Variants in AGPS observed in about 807,000 individuals in gnomAD.
AGPS encodes the protein alkyldihydroxyacetonephosphate synthase, peroxisomal.
In AGPS, 26 loss-of-function variants were observed where a neutral mutation model predicts 90.7. The ratio of observed to expected loss-of-function variants is 0.29; its 90% CI spans 0.21 to 0.40. The LOEUF is 0.40. Among genes scored for constraint, AGPS ranks in the 10% least tolerant of loss-of-function variants. The pLI is 1.00. For synonymous variants in AGPS, 294 were observed against 285.3 expected, an observed-to-expected ratio of 1.03 and a Z score of -0.31; for missense variants, 540 against 816.1, an observed-to-expected ratio of 0.66 and a Z score of 4.12.
intron 11 of AGPS, among the ~76,000 whole-genome samples, chr2:177,489,104 A>T (rs191692327): frequency 0.026 from 2,686 of 103,294 alleles, 61 homozygotes; most frequent in Non-Finnish European, 0.033. Flanking sequence ...TTTTTTTTTG[A>T]AACGGAGTCT....
chr2:177,525,347 TATATC>T (rs1340917499), intron 19 of AGPS, among the ~76,000 whole-genome samples: 1 of 152,178 alleles, frequency 6.6e-6, no homozygotes, highest in Non-Finnish European at 1.5e-5. Flanking sequence ...TATATATAAA[TATATC>T]ATGAATTATT....
chr2:177,537,520 T>C (rs879780975), intron 19 of AGPS, among the ~76,000 whole-genome samples: 18 of 152,176 alleles, frequency 1.2e-4, no homozygotes, highest in Admixed American at 1.2e-3. Context: ...TATTTAAAAG[T>C]ACTGTGAAAA....
At chr2:177,501,030 A>G (rs1174947483) in intron 14 of AGPS, among the ~76,000 whole-genome samples, 2 of 152,174 alleles carry the variant, frequency 1.3e-5, no homozygotes, top group African/African-American at 4.8e-5. Context: ...CTTAAAACAT[A>G]TGATGTTAGT....
chr2:177,396,819 TAGA>T (rs1283396800), intron 1 of AGPS, among the ~76,000 whole-genome samples: 5 of 152,060 alleles, frequency 3.3e-5, no homozygotes, highest in Non-Finnish European at 7.4e-5. Flanking sequence ...TGAATGACAA[TAGA>T]AAAGGGATGA....
In AGPS at chr2:177,399,247, C is replaced by A. The variant is rs568195410; in HGVS notation, c.260+6198C>A. Among the ~76,000 whole-genome samples the A allele has an allele frequency of 8.5e-5, 13 of 152,266 alleles. No individual in the cohort carries two copies. The South Asian group carries it at 2.5e-3, about 29-fold the overall frequency. On this transcript the variant is annotated intron_variant, in intron 1 of 19. Transcript: ENST00000264167. ...AATATTACTCCGTTTGATTTTATTTCCTTATTATTGAGAAGATAACTTCTG... is the reference window on the plus strand; with the variant it reads ...AATATTACTCCGTTTGATTTTATTTACTTATTATTGAGAAGATAACTTCTG...
chr2:177,511,417 A>G (rs77170251), intron 16 of AGPS, among the ~76,000 whole-genome samples: 3,273 of 152,126 alleles, frequency 0.022, 76 homozygotes, highest in South Asian at 0.055. Context: ...GATTTTGGAG[A>G]CACCAGCAAG....
intron 5 of AGPS, among the ~76,000 whole-genome samples, chr2:177,437,755 A>C (rs1023461211): frequency 2.0e-5 from 3 of 152,026 alleles, no homozygotes; most frequent in African/African-American, 7.2e-5. Context: ...TTCAGAGTGT[A>C]TATTTTATTT....
chr2:177,467,729 T>A lies in AGPS; in HGVS notation c.997-687T>A, dbSNP rs910674424. Among the ~76,000 whole-genome samples, 52 of 152,194 alleles carry A rather than the reference T, an allele frequency of 3.4e-4. 1 individual carries two copies. The highest frequency in any genetic ancestry group is 3.2e-3 in the Middle Eastern group (1 of 316). ...CCTTCAATAATAAATAGACTGTTGT[T>A]ATTTATCGGTCCAAAATTCATTCTA... On this transcript the variant is annotated intron_variant, in intron 9 of 19. Transcript: ENST00000264167.
intron 19 of AGPS, among the ~76,000 whole-genome samples, chr2:177,534,660 T>C (rs1043404541): frequency 6.6e-6 from 1 of 151,414 alleles, no homozygotes; most frequent in African/African-American, 2.4e-5. Context: ...TGATCTGGAC[T>C]CACTGCAGCC....
chr2:177,450,964 A>ACACATATACGTATATATG (rs1686923276), intron 8 of AGPS, among the ~76,000 whole-genome samples: 8 of 123,750 alleles, frequency 6.5e-5, no homozygotes, highest in East Asian at 2.6e-4. Context: ...CATGTCTTTC[A>ACACATATACGTATATATG]TATATATATA....
At chr2:177,513,964 A>C in intron 17 of AGPS, 56 bp downstream of exon 17, 3 of 1,302,544 alleles carry the variant, frequency 2.3e-6, no homozygotes, top group Non-Finnish European at 3.3e-6. Context: ...GTTTTTTTTA[A>C]TCAAGGGGGG....
intron 17 of AGPS, among the ~76,000 whole-genome samples, chr2:177,520,397 T>C (rs1392617806): frequency 6.6e-6 from 1 of 152,240 alleles, no homozygotes; most frequent in African/African-American, 2.4e-5. Flanking sequence ...AGTGTTTGCA[T>C]GTCCATATGT....
intron 1 of AGPS, among the ~76,000 whole-genome samples, chr2:177,407,015 T>C (rs980122264): frequency 6.6e-6 from 1 of 152,218 alleles, no homozygotes; most frequent in African/African-American, 2.4e-5. Context: ...TCATTGAGTA[T>C]ACTGAAATCT....
At chr2:177,530,730 G>A (rs2079130503) in intron 19 of AGPS, among the ~76,000 whole-genome samples, 1 of 152,178 alleles carries the variant, frequency 6.6e-6, no homozygotes, top group South Asian at 2.1e-4. Context: ...TGTGATAAAT[G>A]GAGCTATGTT....
intron 19 of AGPS, among the ~76,000 whole-genome samples, chr2:177,531,136 A>G (rs1288455390): frequency 6.6e-6 from 1 of 152,182 alleles, no homozygotes. Flanking sequence ...AAACTACTCA[A>G]AGAAGCTGAA....
chr2:177,415,147 G>A (rs1027815653), intron 1 of AGPS, among the ~76,000 whole-genome samples: 2 of 151,896 alleles, frequency 1.3e-5, no homozygotes, highest in South Asian at 4.1e-4. Flanking sequence ...TCAACTTACT[G>A]CTTTTGATTG....
At chr2:177,433,927 C>T (rs150974397) in intron 2 of AGPS, among the ~76,000 whole-genome samples, 134 of 152,206 alleles carry the variant, frequency 8.8e-4, no homozygotes, top group Non-Finnish European at 1.4e-3. Context: ...TTTCCAGATG[C>T]AGCATTCACC....
intron 1 of AGPS, among the ~76,000 whole-genome samples, chr2:177,401,338 C>T (rs772531532): frequency 5.3e-5 from 8 of 152,108 alleles, no homozygotes; most frequent in African/African-American, 1.4e-4. Flanking sequence ...CTTTTAAGAT[C>T]GAACTTTCTT....
chr2:177,499,611 T>G lies in AGPS; in HGVS notation c.1363-7T>G, dbSNP rs1253322639. On this transcript the variant is annotated splice_polypyrimidine_tract_variant and splice_region_variant and intron_variant, in intron 13 of 19. Coordinates refer to ENST00000264167, the MANE Select transcript of AGPS (RefSeq NM_003659.4). ...ATCTGTAATAATAAATTTTTTTTTTTTTGTAGTTTAAAGGATTTGACCCAA... is the reference window on the plus strand; with the variant it reads ...ATCTGTAATAATAAATTTTTTTTTTGTTGTAGTTTAAAGGATTTGACCCAA... 1.9e-6 allele frequency: 3 copies of G among 1,579,900 alleles called. No homozygotes were observed. The highest frequency in any genetic ancestry group is 2.7e-5 in the African/African-American group (2 of 74,062).
Sources: allele counts gnomAD v4.1 joint callset (sites outside exome capture counted in the v4.1 genomes callset), GRCh38; gene constraint gnomAD v4.1.1; transcripts MANE v1.5; gene names NCBI Gene and HGNC (gene_info 2026-07-23, HGNC 2026-07-21).